Variants in TTC28 observed in about 807,000 individuals in gnomAD.
TTC28 encodes tetratricopeptide repeat protein 28.
A neutral mutation model predicts 198.0 loss-of-function variants in TTC28; 61 were observed. The ratio of observed to expected loss-of-function variants is 0.31; its 90% confidence interval spans 0.25 to 0.38. The LOEUF is 0.38. Ranked by LOEUF, TTC28 falls within the 10% of genes least tolerant of loss-of-function variation. The probability of loss-of-function intolerance (pLI) is 1.00; values close to 1 mark genes in which losing one functional copy is unlikely to be tolerated. For missense variants in TTC28, 2,678 were observed against 3,164.0 expected, an observed-to-expected ratio of 0.85 and a Z score of 3.69; for synonymous variants, 1,171 against 1,297.8, an observed-to-expected ratio of 0.90 and a Z score of 2.10.
At chr22:28,314,438 G>A (rs999132555) in intron 2 of TTC28, among the ~76,000 whole-genome samples, 32 of 152,168 alleles carry the variant, frequency 2.1e-4, no homozygotes, top group African/African-American at 7.7e-4. Context: ...AAAGCTGGAG[G>A]CATCACGCTT....
chr22:28,147,270 G>C (rs1267796242), intron 6 of TTC28, among the ~76,000 whole-genome samples: 1 of 152,208 alleles, frequency 6.6e-6, no homozygotes, highest in Non-Finnish European at 1.5e-5. Flanking sequence ...TTATGCTGAA[G>C]AGTCTTAAAC....
intron 5 of TTC28, among the ~76,000 whole-genome samples, chr22:28,249,139 G>A (rs554052857): frequency 3.3e-5 from 5 of 152,238 alleles, no homozygotes; most frequent in African/African-American, 1.2e-4. Flanking sequence ...ATAACCCAGA[G>A]GTCGAGAGCA....
At chr22:28,022,421 G>C (rs193042449) in intron 13 of TTC28, among the ~76,000 whole-genome samples, 1 of 152,190 alleles carries the variant, frequency 6.6e-6, no homozygotes, top group Non-Finnish European at 1.5e-5. Flanking sequence ...TCTTTATTGC[G>C]CATATTCACC....
At chr22:28,121,431 G>C (rs1942784426) in intron 6 of TTC28, among the ~76,000 whole-genome samples, 1 of 152,122 alleles carries the variant, frequency 6.6e-6, no homozygotes, top group Admixed American at 6.5e-5. Context: ...AAACCACCCA[G>C]TTTTTCTCCC....
chr22:28,391,157 T>C (rs989518300), intron 2 of TTC28, among the ~76,000 whole-genome samples: 2 of 152,202 alleles, frequency 1.3e-5, no homozygotes, highest in Non-Finnish European at 2.9e-5. Flanking sequence ...TTTAAGAATG[T>C]TGAATATTGG....
chr22:28,431,105 A>G (rs2047423274), intron 2 of TTC28, among the ~76,000 whole-genome samples: 1 of 151,538 alleles, frequency 6.6e-6, no homozygotes, highest in South Asian at 2.1e-4. Context: ...CCTTTAATTC[A>G]CTCTCCAGAG....
intron 2 of TTC28, among the ~76,000 whole-genome samples, chr22:28,492,115 T>TG (rs542954842): frequency 9.7e-5 from 8 of 82,858 alleles, no homozygotes; most frequent in Non-Finnish European, 1.5e-4. Context: ...TGTTGTGGGG[T>TG]GGGGGGGAGC....
chr22:28,456,965 A>T (rs2047871674), intron 2 of TTC28, among the ~76,000 whole-genome samples: 1 of 152,230 alleles, frequency 6.6e-6, no homozygotes, highest in Non-Finnish European at 1.5e-5. Flanking sequence ...GTCGGCATAA[A>T]AAGTTGAGAA....
At chr22:28,499,674 C>T (rs1418786096) in intron 2 of TTC28, among the ~76,000 whole-genome samples, 1 of 152,114 alleles carries the variant, frequency 6.6e-6, no homozygotes, top group South Asian at 2.1e-4. Context: ...AAAGAAATAG[C>T]GTGTGAATTA....
chr22:28,368,460 A>G (rs1202904122), intron 2 of TTC28, among the ~76,000 whole-genome samples: 1 of 152,110 alleles, frequency 6.6e-6, no homozygotes, highest in Non-Finnish European at 1.5e-5. Context: ...AGAAAAACTG[A>G]AAGCCTTTCC....
intron 2 of TTC28, among the ~76,000 whole-genome samples, chr22:28,352,333 A>ATC (rs1569277467): frequency 2.1e-5 from 3 of 141,498 alleles, no homozygotes; most frequent in East Asian, 2.1e-4. Context: ...ATATATATAT[A>ATC]TATCTCCCGG....
intron 6 of TTC28, among the ~76,000 whole-genome samples, chr22:28,136,658 C>A (rs1468087654): frequency 1.3e-5 from 2 of 152,160 alleles, no homozygotes; most frequent in African/African-American, 2.4e-5. Context: ...TGTGTCCCTG[C>A]TTGAATTAGT....
chr22:28,662,695 T>G (rs1339254884), intron 1 of TTC28, among the ~76,000 whole-genome samples: 2 of 152,260 alleles, frequency 1.3e-5, no homozygotes, highest in Non-Finnish European at 2.9e-5. Flanking sequence ...AATGAAAATT[T>G]TATTTTTCAT....
intron 12 of TTC28, among the ~76,000 whole-genome samples, chr22:28,077,838 A>G (rs1231367310): frequency 6.6e-6 from 1 of 152,232 alleles, no homozygotes; most frequent in Non-Finnish European, 1.5e-5. Flanking sequence ...TACAATTGCA[A>G]TTTATTTAAA....
chr22:28,679,790 T>TCCGCGCGCCATGTTC lies in TTC28; in HGVS notation c.-82_-68dup, dbSNP rs1352127351. ...CCGCCAGCTAGGCGCGCGCGCCGGT[T>TCCGCGCGCCATGTTC]CCGCGCGCCATGTTCCCGCCGTGCT... is the stretch of plus-strand genomic sequence containing the variant. On this transcript the variant is annotated 5_prime_UTR_variant, in exon 1 of 23. It adds an upstream start codon to the 5' untranslated region. Coordinates refer to ENST00000397906, the MANE Select transcript of TTC28 (RefSeq NM_001145418.2). 8.2e-6 allele frequency: 7 copies of TCCGCGCGCCATGTTC among 857,836 alleles called. No homozygotes were observed. In the African/African-American group the frequency reaches 1.3e-4, roughly 16 times the overall value. 53.1% of individuals were successfully genotyped at this position (857,836 alleles called of 1,614,324 possible). A position where few individuals can be genotyped will look rare whatever the true frequency, so the allele number is the denominator to read the frequency against.
chr22:28,487,583 A>C (rs2048328060), intron 2 of TTC28, among the ~76,000 whole-genome samples: 1 of 152,176 alleles, frequency 6.6e-6, no homozygotes, highest in Admixed American at 6.6e-5. Flanking sequence ...CCTAACGCTA[A>C]ACTGTTTTTA....
At chr22:28,001,298 C>T (rs925633942) in intron 15 of TTC28, 76 bp downstream of exon 15, 1 of 1,484,174 alleles carries the variant, frequency 6.7e-7, no homozygotes, top group Non-Finnish European at 9.1e-7. Flanking sequence ...GTAACACAGC[C>T]CAGTCCGACC....
Position 28,029,501 on chromosome 22 carries a change from T to G in TTC28, c.4073+725A>C, listed in dbSNP as rs977118499. 3.2e-4 allele frequency among the ~76,000 whole-genome samples: 49 copies of G among 152,192 alleles called. 2 individuals carry two copies. The highest frequency in any genetic ancestry group is 6.5e-5 in the Admixed American group (1 of 15,288). On this transcript the variant is annotated intron_variant, in intron 13 of 22. Coordinates refer to ENST00000397906, the MANE Select transcript of TTC28 (RefSeq NM_001145418.2). ...GGGACCTAGGGAGTCTGTGATATCT[T>G]TCCAAAGAGGTCTATCAAAATGTAC...
chr22:28,120,175 G>A (rs1361481484), intron 6 of TTC28, among the ~76,000 whole-genome samples: 1 of 152,132 alleles, frequency 6.6e-6, no homozygotes, highest in East Asian at 1.9e-4. Context: ...TACCAAGTAT[G>A]TGACTCCTAA....
Sources: allele counts gnomAD v4.1 joint callset (sites outside exome capture counted in the v4.1 genomes callset), GRCh38; gene constraint gnomAD v4.1.1; transcripts MANE v1.5; gene names NCBI Gene and HGNC (gene_info 2026-07-23, HGNC 2026-07-21).